The following POLR3G variants were observed in gnomAD, a reference collection of about 807,000 sequenced individuals.
POLR3G encodes the protein DNA-directed RNA polymerase III subunit RPC7.
Under a neutral mutation model 30.1 loss-of-function variants are expected in POLR3G, and 28 were observed. The ratio of observed to expected loss-of-function variants is 0.93; its 90% CI spans 0.69 to 1.27. The LOEUF is 1.27. Ranked by LOEUF, POLR3G falls within the 50% of genes most tolerant of loss-of-function variation. The pLI is 0.00. For synonymous variants in POLR3G, 79 were observed against 82.5 expected (o/e 0.96, Z 0.23); for missense variants, 254 against 264.6 (o/e 0.96, Z 0.28).
intron 7 of POLR3G, 71 bp from the exon 8 acceptor site, chr5:90,511,982 T>G: frequency 7.7e-6 from 8 of 1,032,894 alleles, no homozygotes; most frequent in South Asian, 1.4e-5. Context: ...AGCAGAGACT[T>G]TTAGGCCTGG....
intron 3 of POLR3G, among the ~76,000 whole-genome samples, chr5:90,491,704 T>C (rs1485825479): frequency 6.6e-6 from 1 of 152,148 alleles, no homozygotes; most frequent in Non-Finnish European, 1.5e-5. Context: ...AAAATAATTA[T>C]GGAATCTGAG....
intron 6 of POLR3G, among the ~76,000 whole-genome samples, chr5:90,505,930 T>C (rs1752460336): frequency 6.6e-6 from 1 of 152,078 alleles, no homozygotes; most frequent in Non-Finnish European, 1.5e-5. Flanking sequence ...ACCTCAAATA[T>C]TTTAGAAGGA....
chr5:90,496,277 C>T (rs1751991268), intron 4 of POLR3G, among the ~76,000 whole-genome samples: 1 of 152,116 alleles, frequency 6.6e-6, no homozygotes, highest in Non-Finnish European at 1.5e-5. Context: ...CCTTAATATA[C>T]ATTTTTTACA....
rs1363742514 is a variant in POLR3G, at chr5:90,514,526, T to G, written c.*2387T>G. The G allele has an allele frequency of 6.6e-6, 1 of 152,200 alleles. No individual in the cohort carries two copies. Among genetic ancestry groups the G allele is most frequent in the Non-Finnish European group, 1.5e-5 (1 of 68,030 alleles). 9.4% of individuals were successfully genotyped at this position (152,200 alleles called of 1,614,324 possible). A position where few individuals can be genotyped will look rare whatever the true frequency, so the allele number is the denominator to read the frequency against. ...AAGCAGGGATGTTTGTTCCAAATATTCTTGAATAAACAATCACCACAAACA... is the reference window on the plus strand; with the variant it reads ...AAGCAGGGATGTTTGTTCCAAATATGCTTGAATAAACAATCACCACAAACA... On this transcript the variant is annotated 3_prime_UTR_variant, in exon 8 of 8. Transcript: ENST00000651687.
intron 3 of POLR3G, chr5:90,490,606 G>A: frequency 3.1e-6 from 1 of 322,074 alleles, no homozygotes; most frequent in Admixed American, 3.7e-5. Flanking sequence ...CGGGAGTCTT[G>A]CTTTTTTGCT....
intron 5 of POLR3G, among the ~76,000 whole-genome samples, chr5:90,499,400 T>C (rs562049337): frequency 1.3e-5 from 2 of 152,336 alleles, no homozygotes; most frequent in South Asian, 4.1e-4. Flanking sequence ...TGTTAGACAT[T>C]GCTGCTAAGA....
At chr5:90,496,072 T>C (rs573606182) in intron 4 of POLR3G, among the ~76,000 whole-genome samples, 110 of 152,042 alleles carry the variant, frequency 7.2e-4, no homozygotes, top group African/African-American at 1.0e-3. Flanking sequence ...CCAGGGATCA[T>C]GCCATTCTCC....
At chr5:90,509,308 C>T (rs1752630004) in intron 7 of POLR3G, among the ~76,000 whole-genome samples, 1 of 152,138 alleles carries the variant, frequency 6.6e-6, no homozygotes, top group Non-Finnish European at 1.5e-5. Context: ...TCTCTGATTG[C>T]ATCCCTCCCC....
intron 2 of POLR3G, among the ~76,000 whole-genome samples, chr5:90,486,666 A>G (rs1751455103): frequency 6.6e-6 from 1 of 152,184 alleles, no homozygotes. Flanking sequence ...GACCTCCCCA[A>G]GAGGCCAGGC....
intron 1 of POLR3G, among the ~76,000 whole-genome samples, chr5:90,478,864 C>T (rs1292842633): frequency 6.6e-6 from 1 of 151,798 alleles, no homozygotes; most frequent in Non-Finnish European, 1.5e-5. Flanking sequence ...ACTGTAATCT[C>T]CTGGGATGCT....
chr5:90,484,341 A>T (rs954016131), intron 1 of POLR3G, among the ~76,000 whole-genome samples: 2 of 152,150 alleles, frequency 1.3e-5, no homozygotes, highest in Non-Finnish European at 2.9e-5. Flanking sequence ...CACCCAAGTC[A>T]TTCTAATGGC....
chr5:90,502,954 C>G (rs1245545161), intron 6 of POLR3G, among the ~76,000 whole-genome samples: 4 of 151,978 alleles, frequency 2.6e-5, no homozygotes, highest in African/African-American at 9.7e-5. Context: ...TGTCATTTCA[C>G]CTGTGTAGGG....
intron 2 of POLR3G, among the ~76,000 whole-genome samples, chr5:90,487,378 ATTTTTTTTTTTTT>A (rs59951999): frequency 3.5e-5 from 2 of 57,030 alleles, no homozygotes; most frequent in East Asian, 1.2e-3. Flanking sequence ...TGGTACATTA[ATTTTTTTTTTTTT>A]TTTTTTTTTT....
intron 6 of POLR3G, among the ~76,000 whole-genome samples, chr5:90,503,066 G>A (rs933646402): frequency 7.9e-5 from 12 of 152,240 alleles, no homozygotes; most frequent in Admixed American, 1.3e-4. Flanking sequence ...ATTTACTACC[G>A]TTATCAATGC....
intron 6 of POLR3G, 24 bp from the exon 7 acceptor site, chr5:90,506,504 A>G (rs773128923): frequency 6.2e-7 from 1 of 1,607,512 alleles, no homozygotes; most frequent in Non-Finnish European, 8.5e-7. Flanking sequence ...TTCCATACAA[A>G]TTAATGAAAC....
chr5:90,505,651 T>C lies in POLR3G; in HGVS notation c.439-877T>C, dbSNP rs1025580610. 2.0e-5 allele frequency among the ~76,000 whole-genome samples: 3 copies of C among 152,196 alleles called. No individual in the cohort carries two copies. The South Asian group carries it at 6.2e-4, about 31-fold the overall frequency. ...TGTGATTTGAGTTTTAATTTCTCTC[T>C]TTCTTCTCAATCTGCCAGATATATT... On this transcript the variant is annotated intron_variant, in intron 6 of 7. Coordinates refer to ENST00000651687, the MANE Select transcript of POLR3G (RefSeq NM_006467.3).
intron 3 of POLR3G, among the ~76,000 whole-genome samples, chr5:90,493,676 ATTTTTTTTTTTTTTTTTTTTTTTTTTTTT>A (rs70999488): frequency 2.9e-4 from 15 of 51,466 alleles, no homozygotes; most frequent in East Asian, 1.9e-3. Context: ...CCACTATTTA[ATTTTTTTTTTTTTTTTTTTTTTTTTTTTT>A]TTTTTTTTTT....
At position 90,492,710 on chromosome 5, in the gene POLR3G, G is replaced by A. The variant is rs534797765; in HGVS notation, c.248-2967G>A. Among the ~76,000 whole-genome samples, 465 of 151,806 alleles carry A rather than the reference G, an allele frequency of 3.1e-3. 2 individuals are homozygous for A. The highest frequency in any genetic ancestry group is 7.2e-3 in the African/African-American group (297 of 41,408). On this transcript the variant is annotated intron_variant, in intron 3 of 7. Transcript: ENST00000651687. The stretch of plus-strand genomic sequence containing the variant: ...ATCCTGGCTAACATGGTGAAACCCC[G>A]TCTCTACTAAAAATACAAAAAATTA...
chr5:90,479,291 G>T (rs1472671700), intron 1 of POLR3G, among the ~76,000 whole-genome samples: 1 of 152,144 alleles, frequency 6.6e-6, no homozygotes, highest in Non-Finnish European at 1.5e-5. Flanking sequence ...TGCCAACATG[G>T]TGAAACCCCC....
Sources: gnomAD v4.1 joint callset for allele counts (sites outside exome capture counted in the v4.1 genomes callset) on GRCh38, gnomAD v4.1.1 for gene constraint, MANE v1.5 for transcripts, NCBI Gene and HGNC (gene_info 2026-07-23, HGNC 2026-07-21) for gene names.